AGAP1: variants seen among roughly 807,000 people sequenced by gnomAD.
The protein encoded by AGAP1 is ArfGAP with GTPase domain, ankyrin repeat and PH domain 1, also known as arf-GAP with GTPase, ANK repeat and PH domain-containing protein 1.
A neutral mutation model predicts 105.3 loss-of-function variants in AGAP1; 29 were observed. The observed-to-expected ratio is 0.28, with a 90% CI of 0.21 to 0.38. The LOEUF is 0.38. Among genes scored for constraint, AGAP1 ranks in the 10% least tolerant of loss-of-function variants. The probability of loss-of-function intolerance (pLI) is 1.00; values close to 1 mark genes in which losing one functional copy is unlikely to be tolerated. For missense variants in AGAP1, 998 were observed against 1,165.1 expected (o/e 0.86, Z 2.09); for synonymous variants, 509 against 485.9 (o/e 1.05, Z -0.63).
chr2:235,786,885 T>C (rs1329037960), intron 6 of AGAP1, among the ~76,000 whole-genome samples: 2 of 152,218 alleles, frequency 1.3e-5, no homozygotes, highest in Non-Finnish European at 2.9e-5. Flanking sequence ...GTGAGCTCCG[T>C]CCATTGGTCC....
Position 235,883,336 on chromosome 2 carries a change from C to T in AGAP1, c.1051-9C>T, listed in dbSNP as rs1001896110. The stretch of plus-strand genomic sequence containing the variant: ...TTAGAATTTCTATTTGGCTCTTTTT[C>T]CCTTGTAGGGCATGCTGTTGAAGCG... On this transcript the variant is annotated splice_polypyrimidine_tract_variant and intron_variant, in intron 9 of 17. Transcript: ENST00000304032. This position sits in a 1 kb window ranked among gnomAD's most constrained non-coding sequence, Gnocchi z 4.5. 2 of 1,610,170 alleles carry T rather than the reference C, an allele frequency of 1.2e-6. No homozygotes were observed. Among genetic ancestry groups the T allele is most frequent in the Non-Finnish European group, 1.7e-6 (2 of 1,178,518 alleles).
At chr2:235,543,908 G>A (rs1943537416) in intron 1 of AGAP1, among the ~76,000 whole-genome samples, 1 of 152,170 alleles carries the variant, frequency 6.6e-6, no homozygotes, top group Non-Finnish European at 1.5e-5. Context: ...GATGGTTCCA[G>A]GGTAATATCT....
chr2:235,861,669 G>C (rs2048932937), intron 9 of AGAP1, among the ~76,000 whole-genome samples: 1 of 152,140 alleles, frequency 6.6e-6, no homozygotes, highest in African/African-American at 2.4e-5. Context: ...TTAGTTCCAG[G>C]AAGGTCCAGG....
chr2:235,709,925 G>A (rs934355127), intron 2 of AGAP1, among the ~76,000 whole-genome samples: 1 of 151,970 alleles, frequency 6.6e-6, no homozygotes, highest in African/African-American at 2.4e-5. Flanking sequence ...TGTGTGTATG[G>A]TTATGTATCT....
At chr2:235,704,532 G>A (rs1950425907) in intron 1 of AGAP1, among the ~76,000 whole-genome samples, 1 of 152,186 alleles carries the variant, frequency 6.6e-6, no homozygotes, top group African/African-American at 2.4e-5. Context: ...TGTAGTCCCA[G>A]CTACTCGAGA....
chr2:235,894,962 G>A (rs531776169), intron 10 of AGAP1, among the ~76,000 whole-genome samples: 2 of 152,354 alleles, frequency 1.3e-5, no homozygotes, highest in South Asian at 4.1e-4. Context: ...CAATTATGCA[G>A]TGATTGCTTG....
chr2:236,060,397 G>A (rs1264826428), intron 16 of AGAP1, among the ~76,000 whole-genome samples: 1 of 152,070 alleles, frequency 6.6e-6, no homozygotes, highest in African/African-American at 2.4e-5. Flanking sequence ...AATATATAAA[G>A]AACGGTTACA....
At chr2:235,984,110 T>C (rs980917343) in intron 13 of AGAP1, among the ~76,000 whole-genome samples, 2 of 152,222 alleles carry the variant, frequency 1.3e-5, no homozygotes. Flanking sequence ...GCTTTCTGTC[T>C]GTGAATTTGC....
intron 9 of AGAP1, among the ~76,000 whole-genome samples, chr2:235,860,791 A>G (rs768069501): frequency 3.3e-5 from 5 of 152,270 alleles, no homozygotes; most frequent in African/African-American, 1.2e-4. Context: ...AGGAAGAACA[A>G]CATGCCAAAT....
At chr2:235,760,894 A>G (rs2675142) in intron 6 of AGAP1, among the ~76,000 whole-genome samples, 42,643 of 152,156 alleles carry the variant, frequency 0.28, 6,289 homozygotes, top group Admixed American at 0.41. Context: ...CCAGCAGCCC[A>G]ACTTTTAAAG....
At chr2:235,688,901 T>A (rs142800999) in intron 1 of AGAP1, among the ~76,000 whole-genome samples, 9 of 152,292 alleles carry the variant, frequency 5.9e-5, no homozygotes, top group African/African-American at 2.2e-4. Flanking sequence ...CTGGGTTTGT[T>A]GCTGTGTCAC....
intron 1 of AGAP1, among the ~76,000 whole-genome samples, chr2:235,571,932 T>TGTGTGTGTGTGTG (rs1944529407): frequency 1.9e-5 from 2 of 103,608 alleles, no homozygotes; most frequent in Non-Finnish European, 3.7e-5. Flanking sequence ...TGCCCACACT[T>TGTGTGTGTGTGTG]TGTGTGTGTG....
At position 236,046,683 on chromosome 2, in the gene AGAP1, G is replaced by A. The variant is rs1395989486; in HGVS notation, c.1892-2376G>A. Among the ~76,000 whole-genome samples, 3 of 152,178 alleles carry A rather than the reference G, an allele frequency of 2.0e-5. No individual in the cohort carries two copies. The highest frequency in any genetic ancestry group is 6.5e-5 in the Admixed American group (1 of 15,290). Reference sequence around the variant, plus strand: ...TTAGTGCCTGAGTGGTGATTGAAGTGTGGGTTGGGTTGGCCTGAATAAGAC... The same window carrying A: ...TTAGTGCCTGAGTGGTGATTGAAGTATGGGTTGGGTTGGCCTGAATAAGAC... On this transcript the variant is annotated intron_variant, in intron 15 of 17. Coordinates refer to ENST00000304032, the MANE Select transcript of AGAP1 (RefSeq NM_001037131.3). The surrounding 1 kb of genome is among the most constrained non-coding windows in gnomAD (Gnocchi z 5.2).
intron 13 of AGAP1, among the ~76,000 whole-genome samples, chr2:236,023,467 G>A (rs1050518182): frequency 6.6e-6 from 1 of 152,156 alleles, no homozygotes; most frequent in African/African-American, 2.4e-5. Flanking sequence ...AAACTCACTT[G>A]TTAATAGGGG....
intron 11 of AGAP1, among the ~76,000 whole-genome samples, chr2:235,920,171 A>G (rs2052109648): frequency 6.6e-6 from 1 of 152,154 alleles, no homozygotes; most frequent in Non-Finnish European, 1.5e-5. Context: ...TTTTTCTGTT[A>G]TGTAGAACTG....
At chr2:235,713,302 C>G (rs188144813) in intron 2 of AGAP1, among the ~76,000 whole-genome samples, 3 of 152,132 alleles carry the variant, frequency 2.0e-5, no homozygotes, top group Admixed American at 6.5e-5. Flanking sequence ...AGAAATTCTC[C>G]GATTATAGAG....
intron 1 of AGAP1, among the ~76,000 whole-genome samples, chr2:235,654,081 A>G (rs1346420861): frequency 2.6e-5 from 4 of 152,240 alleles, no homozygotes; most frequent in Non-Finnish European, 5.9e-5. Flanking sequence ...ATCCATGTTA[A>G]TTTTAGAAAG....
rs1488036288 is a variant in AGAP1, at chr2:235,716,298, C to T, written c.223-1259C>T. Among the ~76,000 whole-genome samples the T allele has an allele frequency of 1.1e-4, 17 of 152,158 alleles. No homozygotes were observed. Among genetic ancestry groups the T allele is most frequent in the Admixed American group, 5.9e-4 (9 of 15,286 alleles). On this transcript the variant is annotated intron_variant, in intron 2 of 17. Transcript: ENST00000304032. The surrounding 1 kb of genome is among the most constrained non-coding windows in gnomAD (Gnocchi z 4.0). ...CACAGGGCTGGGAGGGAGGTAGAGG[C>T]GGAAGCCAGTGTGAGAGTTGGAAGA...
chr2:235,975,886 A>G (rs1266817568), intron 13 of AGAP1, among the ~76,000 whole-genome samples: 1 of 152,220 alleles, frequency 6.6e-6, no homozygotes, highest in African/African-American at 2.4e-5. Flanking sequence ...ATCAACAGTA[A>G]TTTTTGATAC....
Sources: gnomAD v4.1 joint callset for allele counts (sites outside exome capture counted in the v4.1 genomes callset) on GRCh38, gnomAD v4.1.1 for gene constraint, Gnocchi (gnomAD v3.1) non-coding constraint, MANE v1.5 for transcripts, NCBI Gene and HGNC (gene_info 2026-07-23, HGNC 2026-07-21) for gene names.